Variants in TAFA4 observed in about 807,000 individuals in gnomAD.
The protein encoded by TAFA4 is TAFA chemokine like family member 4.
A neutral mutation model predicts 21.1 loss-of-function variants in TAFA4; 20 were observed. The observed-to-expected ratio is 0.95, with a 90% CI of 0.67 to 1.38. The LOEUF is 1.38. Among genes scored for constraint, TAFA4 ranks in the 40% most tolerant of loss-of-function variants. The pLI is 0.00. For synonymous variants in TAFA4, 71 were observed against 67.4 expected (o/e 1.05, Z -0.26); for missense variants, 211 against 180.9 (o/e 1.17, Z -0.95).
Position 68,821,407 on chromosome 3 carries a change from C to T in TAFA4, c.130+59323G>A, listed in dbSNP as rs1201598778. On this transcript the variant is annotated intron_variant, in intron 3 of 5. Coordinates refer to ENST00000295569, the MANE Select transcript of TAFA4 (RefSeq NM_182522.5). ...TGTCGCCCAGGCTGGAGTGCAGTGG[C>T]GCAATCTCGGCTCACTGCAGGCTCC... Among the ~76,000 whole-genome samples, 2 of 20,368 alleles carry T rather than the reference C, an allele frequency of 9.8e-5. 1 individual carries two copies. Among genetic ancestry groups the T allele is most frequent in the Non-Finnish European group, 1.7e-4 (2 of 11,474 alleles). 13.4% of individuals were successfully genotyped at this position (20,368 alleles called of 152,430 possible). A position where few individuals can be genotyped will look rare whatever the true frequency, so the allele number is the denominator to read the frequency against.
intron 3 of TAFA4, among the ~76,000 whole-genome samples, chr3:68,828,014 G>A (rs550077085): frequency 6.6e-6 from 1 of 152,230 alleles, no homozygotes; most frequent in Non-Finnish European, 1.5e-5. Flanking sequence ...TGTGGTTTTA[G>A]GTCTTCCATT....
Position 68,744,765 on chromosome 3 carries a change from A to T in TAFA4, c.287-5566T>A, listed in dbSNP as rs532063049. On this transcript the variant is annotated intron_variant, in intron 4 of 5. Transcript: ENST00000295569. ...TACCTAGTGTTTAGGGATTTAAATT[A>T]AAAAATTTAAAAAGGAAACCTGAAA... 4.1e-4 allele frequency among the ~76,000 whole-genome samples: 62 copies of T among 152,314 alleles called. No homozygotes were observed. In the East Asian group the frequency reaches 7.7e-3, roughly 19 times the overall value.
At chr3:68,830,881 G>C (rs1162366709) in intron 3 of TAFA4, among the ~76,000 whole-genome samples, 2 of 152,166 alleles carry the variant, frequency 1.3e-5, no homozygotes, top group Non-Finnish European at 2.9e-5. Flanking sequence ...CCTGTATTGG[G>C]TGCATATATA....
At chr3:68,741,977 CAAAACACTAGCAAACTG>C (rs1702365627) in intron 4 of TAFA4, among the ~76,000 whole-genome samples, 1 of 152,004 alleles carries the variant, frequency 6.6e-6, no homozygotes, top group African/African-American at 2.4e-5. Context: ...AAATCCTCAA[CAAAACACTAGCAAACTG>C]AATTGAACAT....
intron 3 of TAFA4, among the ~76,000 whole-genome samples, chr3:68,846,882 T>C (rs1225156843): frequency 6.6e-6 from 1 of 151,982 alleles, no homozygotes; most frequent in African/African-American, 2.4e-5. Context: ...GCCTGTTCCT[T>C]CCTCTGGAAG....
chr3:68,768,264 A>C (rs1389816208), intron 3 of TAFA4, among the ~76,000 whole-genome samples: 1 of 152,216 alleles, frequency 6.6e-6, no homozygotes, highest in African/African-American at 2.4e-5. Flanking sequence ...ATAGTAAAAA[A>C]GGCAAATAAT....
intron 3 of TAFA4, among the ~76,000 whole-genome samples, chr3:68,756,164 A>T (rs188750842): frequency 5.3e-5 from 8 of 152,342 alleles, no homozygotes; most frequent in Admixed American, 3.9e-4. Context: ...TAGGTTTCCA[A>T]GATTTGGGGT....
chr3:68,877,411 A>G (rs2089563715), intron 3 of TAFA4, among the ~76,000 whole-genome samples: 1 of 152,172 alleles, frequency 6.6e-6, no homozygotes, highest in Non-Finnish European at 1.5e-5. Context: ...CTCTGACCCA[A>G]GCATCTCATG....
In TAFA4 at chr3:68,882,658, C is replaced by T. The variant is rs550876230; in HGVS notation, c.15-1813G>A. 1.8e-4 allele frequency among the ~76,000 whole-genome samples: 27 copies of T among 152,332 alleles called. No individual in the cohort carries two copies. The South Asian group carries it at 5.6e-3, about 32-fold the overall frequency. On this transcript the variant is annotated intron_variant, in intron 2 of 5. Transcript: ENST00000295569. ...GAATTTTAAAACATTATGTGTGAGA[C>T]AGAGTGTTACATTAACAAAAAATAA...
At chr3:68,873,337 T>TACACACACACACACACAC (rs34998311) in intron 3 of TAFA4, among the ~76,000 whole-genome samples, 5,201 of 133,340 alleles carry the variant, frequency 0.039, 229 homozygotes, top group East Asian at 0.11. Context: ...CACGCAGACA[T>TACACACACACACACACAC]ACACACACAC....
intron 4 of TAFA4, among the ~76,000 whole-genome samples, chr3:68,749,435 A>G (rs575323752): frequency 5.9e-5 from 9 of 152,220 alleles, no homozygotes; most frequent in Non-Finnish European, 1.0e-4. Flanking sequence ...TTGACAGATA[A>G]GAGGAACATA....
rs538543315 is a variant in TAFA4 at position 68,785,417 on chromosome 3, G to A, written c.131-32399C>T. Among the ~76,000 whole-genome samples, 91 of 152,334 alleles carry A rather than the reference G, an allele frequency of 6.0e-4. 2 individuals are homozygous for A. In the South Asian group the frequency reaches 0.018, roughly 31 times the overall value. Reference sequence around the variant, plus strand: ...GCACAGGAGCCCACAGAGGAGCAGGGGAAGGCTCAGGCATGGCGGGCTGCG... The same window carrying A: ...GCACAGGAGCCCACAGAGGAGCAGGAGAAGGCTCAGGCATGGCGGGCTGCG... On this transcript the variant is annotated intron_variant, in intron 3 of 5. Coordinates refer to ENST00000295569, the MANE Select transcript of TAFA4 (RefSeq NM_182522.5).
intron 3 of TAFA4, among the ~76,000 whole-genome samples, chr3:68,777,907 A>C (rs536426094): frequency 7.2e-5 from 11 of 152,298 alleles, no homozygotes; most frequent in African/African-American, 2.6e-4. Context: ...CATATAACCT[A>C]GGTGTGTAGT....
At chr3:68,880,899 TG>T (rs1385351016) in intron 2 of TAFA4, 54 bp from the exon 3 acceptor site, 1 of 1,420,640 alleles carries the variant, frequency 7.0e-7, no homozygotes. Context: ...CCAGACTCCC[TG>T]GCAAGCACCA....
chr3:68,918,819 G>A (rs551307917), intron 1 of TAFA4, among the ~76,000 whole-genome samples: 5 of 152,332 alleles, frequency 3.3e-5, no homozygotes, highest in African/African-American at 9.6e-5. Context: ...GGGATCACAG[G>A]TGTGAGCCAC....
chr3:68,896,391 C>T (rs2089789335), intron 1 of TAFA4, among the ~76,000 whole-genome samples: 1 of 152,078 alleles, frequency 6.6e-6, no homozygotes, highest in Non-Finnish European at 1.5e-5. Context: ...TGGCTTGGAG[C>T]AGGATGGTGA....
chr3:68,825,391 T>G (rs1704206710), intron 3 of TAFA4, among the ~76,000 whole-genome samples: 1 of 152,228 alleles, frequency 6.6e-6, no homozygotes, highest in African/African-American at 2.4e-5. Context: ...GGCATTTGGG[T>G]TGACTCCAAT....
At chr3:68,883,185 A>C (rs1315679564) in intron 2 of TAFA4, 2 of 152,328 alleles carry the variant, frequency 1.3e-5, no homozygotes, top group Non-Finnish European at 2.9e-5. Flanking sequence ...TGGAGGCTCA[A>C]CTGGGGAAGG....
At chr3:68,895,379 C>T (rs941919983) in intron 1 of TAFA4, among the ~76,000 whole-genome samples, 1 of 152,220 alleles carries the variant, frequency 6.6e-6, no homozygotes, top group East Asian at 1.9e-4. Flanking sequence ...AGGTGATCCA[C>T]CCACCTTGGC....
Sources: gnomAD v4.1 joint callset for allele counts (sites outside exome capture counted in the v4.1 genomes callset) on GRCh38, gnomAD v4.1.1 for gene constraint, MANE v1.5 for transcripts, NCBI Gene and HGNC (gene_info 2026-07-23, HGNC 2026-07-21) for gene names.